Variants in CFAP58 observed in about 807,000 individuals in gnomAD.
CFAP58 encodes the protein cilia- and flagella-associated protein 58.
In CFAP58, 88 loss-of-function variants were observed where a neutral mutation model predicts 119.5. That is an observed-to-expected ratio of 0.74 (90% CI 0.62 to 0.88). The LOEUF is 0.88. Among genes scored for constraint, CFAP58 ranks in the 40% least tolerant of loss-of-function variants. The pLI is 0.00. For missense variants in CFAP58, 990 were observed against 1,021.2 expected (o/e 0.97, Z 0.42); for synonymous variants, 365 against 366.3 (o/e 1.00, Z 0.04).
intron 1 of CFAP58, among the ~76,000 whole-genome samples, chr10:104,357,308 G>C (rs1349708217): frequency 6.6e-6 from 1 of 152,162 alleles, no homozygotes; most frequent in Non-Finnish European, 1.5e-5. Flanking sequence ...AGTCCCATGA[G>C]TATTGCACAG....
intron 15 of CFAP58, 71 bp from the exon 16 acceptor site, chr10:104,447,627 A>G: frequency 1.3e-6 from 2 of 1,581,876 alleles, no homozygotes; most frequent in East Asian, 2.2e-5. Flanking sequence ...TGTGCTGGCC[A>G]TGCAGTGAAA....
upstream of CFAP58, among the ~76,000 whole-genome samples, chr10:104,350,869 A>G (rs2014451692): frequency 6.6e-6 from 1 of 152,128 alleles, no homozygotes; most frequent in African/African-American, 2.4e-5. Context: ...ACTGGATTGA[A>G]CTGCTGTCAC....
At position 104,364,831 on chromosome 10, in the gene CFAP58, C is replaced by T; in HGVS notation, c.539C>T (p.Thr180Ile). The stretch of plus-strand genomic sequence containing the variant: ...TTACGAGAATCCCTAGCTCAGACCA[C>T]TGAACAGCAGCAGGAAACAGAGCGA... ...VKLRESLAQT[T>I]EQQQETERSK... Residue 180 changes from threonine to isoleucine, a missense_variant, in exon 4 of 18, where the codon ACT becomes ATT. By Grantham distance (89) the Thr-to-Ile change is moderately conservative. Coordinates refer to ENST00000369704, the MANE Select transcript of CFAP58 (RefSeq NM_001008723.2). The T allele has an allele frequency of 6.2e-7, 1 of 1,612,646 alleles. No individual in the cohort carries two copies. The highest frequency in any genetic ancestry group is 8.5e-7 in the Non-Finnish European group (1 of 1,179,390).
intron 15 of CFAP58, among the ~76,000 whole-genome samples, chr10:104,438,337 T>G (rs1240911620): frequency 7.5e-6 from 1 of 133,652 alleles, no homozygotes; most frequent in African/African-American, 3.2e-5. Context: ...TTTTTTTGTT[T>G]TTTGTTTTTT....
At chr10:104,435,253 G>A (rs1345828970) in intron 15 of CFAP58, among the ~76,000 whole-genome samples, 2 of 152,162 alleles carry the variant, frequency 1.3e-5, no homozygotes, top group Non-Finnish European at 2.9e-5. Flanking sequence ...AGGCCGAGGC[G>A]GGCAGATCAT....
upstream of CFAP58, among the ~76,000 whole-genome samples, chr10:104,351,366 C>T (rs1263473488): frequency 6.6e-6 from 1 of 152,168 alleles, no homozygotes; most frequent in African/African-American, 2.4e-5. Flanking sequence ...CAAACTTACT[C>T]TAAACATTAT....
intron 13 of CFAP58, among the ~76,000 whole-genome samples, chr10:104,401,133 C>T (rs902752351): frequency 6.6e-6 from 1 of 152,136 alleles, no homozygotes; most frequent in Non-Finnish European, 1.5e-5. Flanking sequence ...GGGGTAAGGG[C>T]GAGTGCAAAA....
the CFAP58 span, among the ~76,000 whole-genome samples, chr10:104,338,952 C>T: frequency 6.7e-6 from 1 of 149,194 alleles, no homozygotes; most frequent in Non-Finnish European, 1.5e-5. Context: ...GTTGCCCAGG[C>T]TGGAGTGCAA....
At chr10:104,433,684 C>T (rs994162646) in intron 15 of CFAP58, among the ~76,000 whole-genome samples, 3 of 152,190 alleles carry the variant, frequency 2.0e-5, no homozygotes, top group African/African-American at 7.2e-5. Context: ...TTTAGGATTT[C>T]ATCACAAAGT....
At chr10:104,355,970 G>A (rs1012803910) in intron 1 of CFAP58, among the ~76,000 whole-genome samples, 5 of 152,194 alleles carry the variant, frequency 3.3e-5, no homozygotes, top group Non-Finnish European at 5.9e-5. Flanking sequence ...CATTTACAGG[G>A]ATGGAACCAA....
At chr10:104,373,503 T>A (rs1266031072) in intron 7 of CFAP58, among the ~76,000 whole-genome samples, 1 of 151,978 alleles carries the variant, frequency 6.6e-6, no homozygotes, top group Non-Finnish European at 1.5e-5. Flanking sequence ...GGTGGCATGC[T>A]CCTGCGCACC....
At chr10:104,401,011 A>G (rs1325946490) in intron 13 of CFAP58, 108 bp downstream of exon 13, 14 of 753,428 alleles carry the variant, frequency 1.9e-5, no homozygotes, top group Non-Finnish European at 2.8e-5. Context: ...ATCGAGTTGT[A>G]CAAAATGAAG....
At chr10:104,360,367 C>T (rs890226345) in intron 2 of CFAP58, among the ~76,000 whole-genome samples, 12 of 151,844 alleles carry the variant, frequency 7.9e-5, no homozygotes, top group African/African-American at 2.9e-4. Flanking sequence ...GGCATCTGCT[C>T]AGCTTCTTGG....
chr10:104,395,612 A>G (rs2012134251), intron 11 of CFAP58, among the ~76,000 whole-genome samples: 1 of 152,192 alleles, frequency 6.6e-6, no homozygotes, highest in African/African-American at 2.4e-5. Context: ...ATGACAGCTC[A>G]AATGTTGAGT....
chr10:104,425,577 A>C (rs528630715), intron 15 of CFAP58, among the ~76,000 whole-genome samples: 200 of 152,334 alleles, frequency 1.3e-3, no homozygotes, highest in African/African-American at 4.4e-3. Context: ...TATCCTCATA[A>C]GAATTTTTAA....
intron 15 of CFAP58, among the ~76,000 whole-genome samples, chr10:104,433,308 G>A (rs1389502408): frequency 6.6e-6 from 1 of 152,160 alleles, no homozygotes; most frequent in East Asian, 1.9e-4. Flanking sequence ...GGCTGGTCTT[G>A]AATTCCTGGC....
At chr10:104,347,936 A>G in the CFAP58 span, among the ~76,000 whole-genome samples, 1 of 152,006 alleles carries the variant, frequency 6.6e-6, no homozygotes, top group East Asian at 1.9e-4. Flanking sequence ...TCTTCCCTCC[A>G]TACAGCCTGC....
intron 9 of CFAP58, among the ~76,000 whole-genome samples, chr10:104,389,684 C>T (rs1184197337): frequency 1.3e-5 from 2 of 152,166 alleles, no homozygotes; most frequent in Non-Finnish European, 2.9e-5. Context: ...GAGAATGTGT[C>T]TTATTCTTCT....
intron 8 of CFAP58, 25 bp from the exon 9 acceptor site, chr10:104,380,004 G>A (rs1589915369): frequency 6.3e-7 from 1 of 1,598,058 alleles, no homozygotes; most frequent in Non-Finnish European, 8.5e-7. Flanking sequence ...TGAGTAATGT[G>A]ACTGCTTTGT....
Sources: gnomAD v4.1 joint callset for allele counts (sites outside exome capture counted in the v4.1 genomes callset) on GRCh38, gnomAD v4.1.1 for gene constraint, MANE v1.5 for transcripts, NCBI Gene and HGNC (gene_info 2026-07-23, HGNC 2026-07-21) for gene names.